Variants in PLCXD3 observed in about 807,000 individuals in gnomAD.
The protein encoded by PLCXD3 is phosphatidylinositol specific phospholipase C X domain containing 3, also known as PI-PLC X domain-containing protein 3.
PLCXD3 carries 19 observed loss-of-function variants against 25.5 expected under a neutral mutation model. The observed-to-expected ratio is 0.75, with a 90% CI of 0.52 to 1.09. The LOEUF is 1.09. Ranked by LOEUF, PLCXD3 falls within the 50% of genes least tolerant of loss-of-function variation. PLCXD3 has a pLI of 0.00. For synonymous variants in PLCXD3, 174 were observed against 137.6 expected (o/e 1.26, Z -1.85); for missense variants, 411 against 388.1 (o/e 1.06, Z -0.50).
At chr5:41,411,224 G>T (rs1746511171) in intron 1 of PLCXD3, among the ~76,000 whole-genome samples, 1 of 152,080 alleles carries the variant, frequency 6.6e-6, no homozygotes, top group Non-Finnish European at 1.5e-5. Flanking sequence ...TGTATGTCTG[G>T]CACTATTTCT....
At position 41,423,009 on chromosome 5, in the gene PLCXD3, TA is replaced by T. The variant is rs535674158; in HGVS notation, c.104-40476del. Among the ~76,000 whole-genome samples the T allele has an allele frequency of 4.6e-4, 70 of 152,118 alleles. No homozygotes were observed. The South Asian group carries it at 9.1e-3, about 20-fold the overall frequency. ...AATTTTCTAAAAAGTATTAATTTTT[TA>T]AAAAAAATTATGAATGGGTGTTGAA... On this transcript the variant is annotated intron_variant, in intron 1 of 2. Coordinates refer to ENST00000377801, the MANE Select transcript of PLCXD3 (RefSeq NM_001005473.3).
At chr5:41,348,905 A>G (rs1744376361) in intron 2 of PLCXD3, among the ~76,000 whole-genome samples, 1 of 152,220 alleles carries the variant, frequency 6.6e-6, no homozygotes, top group African/African-American at 2.4e-5. Context: ...AAATTTGCCA[A>G]AAGAAGTGAA....
chr5:41,393,878 C>T (rs777722737), intron 1 of PLCXD3, among the ~76,000 whole-genome samples: 11 of 151,666 alleles, frequency 7.3e-5, no homozygotes, highest in East Asian at 1.9e-4. Flanking sequence ...TGCAGTGAGC[C>T]GAGATCGCAC....
At chr5:41,387,384 G>A (rs964995563) in intron 1 of PLCXD3, among the ~76,000 whole-genome samples, 1 of 152,084 alleles carries the variant, frequency 6.6e-6, no homozygotes. Context: ...GAGAAAATTT[G>A]TATTGTTTAA....
In PLCXD3 at chr5:41,484,540, G is replaced by T. The variant is rs967219564; in HGVS notation, c.103+25884C>A. ...TACATTGCTTAAATGGCCCTTAGATGAATTGTTCATTAATATAAAATATCT... is the reference window on the plus strand; with the variant it reads ...TACATTGCTTAAATGGCCCTTAGATTAATTGTTCATTAATATAAAATATCT... On this transcript the variant is annotated intron_variant, in intron 1 of 2. Transcript: ENST00000377801. Among the ~76,000 whole-genome samples the T allele has an allele frequency of 5.9e-5, 9 of 151,990 alleles. No homozygotes were observed. The East Asian group carries it at 1.7e-3, about 29-fold the overall frequency.
intron 2 of PLCXD3, among the ~76,000 whole-genome samples, chr5:41,374,857 G>A (rs945443733): frequency 2.0e-5 from 3 of 152,204 alleles, no homozygotes; most frequent in Middle Eastern, 3.4e-3. Context: ...GGTGGGGCTG[G>A]AAAGCTTCTC....
At chr5:41,477,502 G>T (rs938197642) in intron 1 of PLCXD3, among the ~76,000 whole-genome samples, 1 of 151,926 alleles carries the variant, frequency 6.6e-6, no homozygotes, top group African/African-American at 2.4e-5. Flanking sequence ...ACATTTGCCT[G>T]GGTTCCATTT....
At chr5:41,456,474 G>A (rs1346487942) in intron 1 of PLCXD3, 2 of 711,422 alleles carry the variant, frequency 2.8e-6, no homozygotes, top group African/African-American at 3.9e-5. Flanking sequence ...ATATTTATAA[G>A]GATAAATGAA....
At chr5:41,401,580 C>T (rs1746187645) in intron 1 of PLCXD3, among the ~76,000 whole-genome samples, 2 of 152,160 alleles carry the variant, frequency 1.3e-5, no homozygotes, top group African/African-American at 4.8e-5. Context: ...ACTGTCTTAA[C>T]TATTATGATA....
At chr5:41,392,349 G>C (rs1478063388) in intron 1 of PLCXD3, among the ~76,000 whole-genome samples, 1 of 149,486 alleles carries the variant, frequency 6.7e-6, no homozygotes. Context: ...GGGAGAGAGA[G>C]AGAGAAAGAG....
At chr5:41,406,889 C>T (rs1452936961) in intron 1 of PLCXD3, among the ~76,000 whole-genome samples, 2 of 152,146 alleles carry the variant, frequency 1.3e-5, no homozygotes, top group Non-Finnish European at 2.9e-5. Context: ...CTTTTTGTCT[C>T]ATTTTCATTA....
At chr5:41,491,327 A>T (rs1748664434) in intron 1 of PLCXD3, among the ~76,000 whole-genome samples, 2 of 152,136 alleles carry the variant, frequency 1.3e-5, no homozygotes. Flanking sequence ...GATCTTTTAC[A>T]TTTGCTGAGG....
At chr5:41,499,450 AG>A (rs1748906839) in intron 1 of PLCXD3, among the ~76,000 whole-genome samples, 1 of 151,750 alleles carries the variant, frequency 6.6e-6, no homozygotes, top group Non-Finnish European at 1.5e-5. Flanking sequence ...AGGAGACAAA[AG>A]ATTTCACTGA....
At chr5:41,326,310 T>TCC (rs1174697647) in intron 2 of PLCXD3, among the ~76,000 whole-genome samples, 1 of 151,514 alleles carries the variant, frequency 6.6e-6, no homozygotes, top group East Asian at 1.9e-4. Context: ...GTGCCTATGT[T>TCC]CCTTTTTTGT....
In PLCXD3 at chr5:41,439,940, G is replaced by C. The variant is rs185481080; in HGVS notation, c.104-57406C>G. Among the ~76,000 whole-genome samples, 151 of 152,178 alleles carry C rather than the reference G, an allele frequency of 9.9e-4. 1 individual carries two copies. In the Middle Eastern group the frequency reaches 0.034, roughly 34 times the overall value. On this transcript the variant is annotated intron_variant, in intron 1 of 2. Coordinates refer to ENST00000377801, the MANE Select transcript of PLCXD3 (RefSeq NM_001005473.3). ...AGGTGGAATCTGCAGAATAAAAAGG[G>C]AAAAATAATAGTAATGTGTTAAATT...
At chr5:41,476,652 CCT>C (rs1001156360) in intron 1 of PLCXD3, among the ~76,000 whole-genome samples, 40 of 152,256 alleles carry the variant, frequency 2.6e-4, no homozygotes, top group African/African-American at 9.4e-4. Flanking sequence ...CTTTTTTCCC[CCT>C]GATTTTTCTT....
chr5:41,342,274 T>G, intron 2 of PLCXD3, among the ~76,000 whole-genome samples: 1 of 152,202 alleles, frequency 6.6e-6, no homozygotes, highest in Admixed American at 6.5e-5. Context: ...TGCCAGGCAC[T>G]GTGTTAGGCA....
chr5:41,440,149 C>A (rs891836977), intron 1 of PLCXD3, among the ~76,000 whole-genome samples: 25 of 148,664 alleles, frequency 1.7e-4, no homozygotes, highest in African/African-American at 5.2e-4. Flanking sequence ...CAGATCTTAG[C>A]TCCGTCAGAT....
At chr5:41,375,173 A>AGAG (rs56307344) in intron 2 of PLCXD3, among the ~76,000 whole-genome samples, 21 of 150,930 alleles carry the variant, frequency 1.4e-4, no homozygotes, top group South Asian at 8.3e-4. Context: ...GAGAGAGAGA[A>AGAG]AGAGAAAGAG....
Sources: gnomAD v4.1 joint callset for allele counts (sites outside exome capture counted in the v4.1 genomes callset) on GRCh38, gnomAD v4.1.1 for gene constraint, MANE v1.5 for transcripts, NCBI Gene and HGNC (gene_info 2026-07-23, HGNC 2026-07-21) for gene names.